The following ABCA3 variants were observed in gnomAD, a reference collection of about 807,000 sequenced individuals.
ABCA3 encodes the protein phospholipid-transporting ATPase ABCA3.
A neutral mutation model predicts 172.8 loss-of-function variants in ABCA3; 88 were observed. The ratio of observed to expected loss-of-function variants is 0.51; its 90% CI spans 0.43 to 0.61. The LOEUF is 0.61. ABCA3 is among the 20% of genes least tolerant of loss of function. The pLI is 0.00. For missense variants in ABCA3, 2,164 were observed against 2,301.0 expected, an observed-to-expected ratio of 0.94 and a Z score of 1.22; for synonymous variants, 1,066 against 983.8, an observed-to-expected ratio of 1.08 and a Z score of -1.56.
chr16:2,338,751 C>CTTTT lies in ABCA3; in HGVS notation c.-539+1818_-539+1821dup, dbSNP rs34719364. ...AGAGCAGGGACTGTGTCCAATTCAT[C>CTTTT]TTTTTTTTTTTTTTTTTTTTTGAGA... is the stretch of plus-strand genomic sequence containing the variant. On this transcript the variant is annotated intron_variant, in intron 1 of 32. Coordinates refer to ENST00000301732, the MANE Select transcript of ABCA3 (RefSeq NM_001089.3). 7.2e-4 allele frequency among the ~76,000 whole-genome samples: 88 copies of CTTTT among 121,568 alleles called. 2 individuals are homozygous for CTTTT. The highest frequency in any genetic ancestry group is 2.9e-3 in the African/African-American group (83 of 28,406). The allele number at this position is 121,568 out of a possible 152,430, so 79.8% of individuals were successfully genotyped here.
Position 2,297,445 on chromosome 16 carries a change from A to G in ABCA3, c.2147T>C (p.Ile716Thr), listed in dbSNP as rs745895636. ...GTCCATGAAGTGGGTGGTCAGCACG[A>G]TGGTGCGGTCACTTTTCTGCCGCTG... ...LLQRQKSDRTIVLTTHFMDEA... is the reference protein window; with the variant it reads ...LLQRQKSDRTTVLTTHFMDEA... The change falls in exon 17 of 33, where the codon ATC (isoleucine) becomes ACC (threonine). Residue 716 changes from isoleucine to threonine, a missense_variant. Ile to Thr is a moderately conservative substitution (Grantham distance 89). Transcript: ENST00000301732. The surrounding 1 kb of genome is among the most constrained non-coding windows in gnomAD (Gnocchi z 5.6). 36 of 1,613,774 alleles carry G rather than the reference A, an allele frequency of 2.2e-5. No individual in the cohort carries two copies. Among genetic ancestry groups the G allele is most frequent in the Non-Finnish European group, 3.0e-5 (35 of 1,180,016 alleles).
chr16:2,278,481 T>C lies in ABCA3; in HGVS notation c.4548-23A>G. On this transcript the variant is annotated intron_variant, in intron 29 of 32. Transcript: ENST00000301732. The surrounding 1 kb of genome is among the most constrained non-coding windows in gnomAD (Gnocchi z 4.4). ...CCACTAGAGGCAGGAGGGTGCCAGGTGGGGGAATAAGGCTGAGAGTTAGCA... is the reference window on the plus strand; with the variant it reads ...CCACTAGAGGCAGGAGGGTGCCAGGCGGGGGAATAAGGCTGAGAGTTAGCA... 1 of 1,608,024 alleles carries C rather than the reference T, an allele frequency of 6.2e-7. No individual in the cohort carries two copies. The highest frequency in any genetic ancestry group is 8.5e-7 in the Non-Finnish European group (1 of 1,179,858).
Position 2,277,806 on chromosome 16 carries a change from G to T in ABCA3, c.4909+73C>A. On this transcript the variant is annotated intron_variant, in intron 31 of 32. Transcript: ENST00000301732. The surrounding 1 kb of genome is among the most constrained non-coding windows in gnomAD (Gnocchi z 5.3). Reference sequence around the variant, plus strand: ...TGGCGGGGCGAGGCACAGACGCTCCGCACAGCAGATGGGAGAGGCCTAGGT... The same window carrying T: ...TGGCGGGGCGAGGCACAGACGCTCCTCACAGCAGATGGGAGAGGCCTAGGT... 6 of 1,597,068 alleles carry T rather than the reference G, an allele frequency of 3.8e-6. No individual in the cohort carries two copies. The highest frequency in any genetic ancestry group is 5.1e-6 in the Non-Finnish European group (6 of 1,172,254).
Position 2,286,042 on chromosome 16 carries a change from C to T in ABCA3, c.3279-396G>A, listed in dbSNP as rs1225764913. On this transcript the variant is annotated intron_variant, in intron 22 of 32. Coordinates refer to ENST00000301732, the MANE Select transcript of ABCA3 (RefSeq NM_001089.3). This position sits in a 1 kb window ranked among gnomAD's most constrained non-coding sequence, Gnocchi z 5.2. ...TGAGTTGATGGCAAGGAGAGCAGAT[C>T]GAGGGCTGTTGCTTTTCTGCTCTTG... 1.3e-5 allele frequency among the ~76,000 whole-genome samples: 2 copies of T among 152,176 alleles called. No individual in the cohort carries two copies. Among genetic ancestry groups the T allele is most frequent in the South Asian group, 2.1e-4 (1 of 4,826 alleles).
Position 2,304,869 on chromosome 16 carries a change from G to A in ABCA3, c.1286-719C>T, listed in dbSNP as rs184474531. ...TTTTTGTATTTTTAGTAGAGACGGGGTTTCACTGTGTTAGCCAGGGTGGTC... is the reference window on the plus strand; with the variant it reads ...TTTTTGTATTTTTAGTAGAGACGGGATTTCACTGTGTTAGCCAGGGTGGTC... On this transcript the variant is annotated intron_variant, in intron 11 of 32. Coordinates refer to ENST00000301732, the MANE Select transcript of ABCA3 (RefSeq NM_001089.3). Among the ~76,000 whole-genome samples the A allele has an allele frequency of 3.6e-3, 553 of 152,112 alleles. 2 individuals are homozygous for A. Among genetic ancestry groups the A allele is most frequent in the Middle Eastern group, 0.034 (10 of 292 alleles).
intron 7 of ABCA3, among the ~76,000 whole-genome samples, chr16:2,322,958 G>GA (rs766975130): frequency 5.3e-5 from 8 of 152,068 alleles, no homozygotes; most frequent in East Asian, 3.9e-4. Context: ...AAATTTACAA[G>GA]AAAAAACCAA....
intron 32 of ABCA3, 113 bp from the exon 33 acceptor site, chr16:2,276,918 G>T: frequency 6.9e-7 from 1 of 1,456,652 alleles, no homozygotes. Flanking sequence ...TCCTACCCCT[G>T]CCCAGCGCCA....
At position 2,284,003 on chromosome 16, in the gene ABCA3, G is replaced by C. The variant is rs2093658948; in HGVS notation, c.3862+276C>G. 1.2e-5 allele frequency: 5 copies of C among 410,340 alleles called. No individual in the cohort carries two copies. The highest frequency in any genetic ancestry group is 1.8e-5 in the Non-Finnish European group (4 of 221,042). 25.4% of individuals were successfully genotyped at this position (410,340 alleles called of 1,614,324 possible). On this transcript the variant is annotated intron_variant, in intron 25 of 32. Transcript: ENST00000301732. This position sits in a 1 kb window ranked among gnomAD's most constrained non-coding sequence, Gnocchi z 5.9. ...AGGAAGGGTCCTCCCCTGAGCCATG[G>C]GGGATTCACTCCTCGTGCTAAGCGC...
At chr16:2,310,304 A>G (rs1181078050) in intron 10 of ABCA3, among the ~76,000 whole-genome samples, 1 of 151,712 alleles carries the variant, frequency 6.6e-6, no homozygotes, top group Non-Finnish European at 1.5e-5. Flanking sequence ...GCTACTCAGG[A>G]GGCTGAGGCA....
chr16:2,288,620 A>G (rs968345982), intron 20 of ABCA3, among the ~76,000 whole-genome samples: 2 of 152,054 alleles, frequency 1.3e-5, no homozygotes, highest in Non-Finnish European at 2.9e-5. Context: ...CAGTGGTGTG[A>G]TCTCAGCTCA....
chr16:2,307,253 G>A (rs1258331276), intron 11 of ABCA3, among the ~76,000 whole-genome samples: 1 of 152,004 alleles, frequency 6.6e-6, no homozygotes, highest in Non-Finnish European at 1.5e-5. Context: ...AGCAGTGGTT[G>A]ATGAAAAGTC....
rs774787877 is a variant in ABCA3 at position 2,298,457 on chromosome 16, C to A, written c.1825G>T (p.Gly609Cys). The change falls in exon 15 of 33, where the codon GGC becomes TGC. Residue 609 changes from glycine (G) to cysteine (C), a missense_variant. By Grantham distance (159) the Gly-to-Cys change is radical. Transcript: ENST00000301732. ...AGGATGTCGTGCTGCGGGCACAGGC[C>A]CAGGCTCTTCCGGATCTGAACCATG... is the stretch of plus-strand genomic sequence containing the variant. Reference protein sequence around the residue: ...QDMVQIRKSLGLCPQHDILFD... With the variant: ...QDMVQIRKSLCLCPQHDILFD... 1.9e-6 allele frequency: 3 copies of A among 1,614,106 alleles called. No individual in the cohort carries two copies. The highest frequency in any genetic ancestry group is 2.5e-6 in the Non-Finnish European group (3 of 1,180,042).
intron 18 of ABCA3, 21 bp downstream of exon 18, chr16:2,295,569 T>C (rs753983059): frequency 2.2e-5 from 36 of 1,610,094 alleles, no homozygotes; most frequent in Non-Finnish European, 2.9e-5. Context: ...TACCTGTGCG[T>C]GCCCTCCCTG....
intron 20 of ABCA3, chr16:2,289,022 C>T (rs1210894798): frequency 8.1e-5 from 15 of 185,880 alleles, no homozygotes; most frequent in Non-Finnish European, 1.2e-4. Context: ...AGACAGAGAG[C>T]GTCAGGGCTT....
Position 2,326,189 on chromosome 16 carries a change from T to C in ABCA3, c.140A>G (p.Gln47Arg), listed in dbSNP as rs997304312. The C allele has an allele frequency of 1.2e-6, 2 of 1,614,124 alleles. No homozygotes were observed. The highest frequency in any genetic ancestry group is 1.3e-5 in the African/African-American group (1 of 75,044). The change falls in exon 5 of 33, where the codon CAG (glutamine) becomes CGG (arginine). Residue 47 changes from glutamine (Q) to arginine (R), a missense_variant. Gln to Arg is a conservative substitution (Grantham distance 43). Transcript: ENST00000301732. ...GGTGGCGTTGGGCACATTTTCCGAC[T>C]GAATCTTCAAGCGGAGCCAGATGAG... ...GILIWLRLKI[Q>R]SENVPNATIY...
intron 12 of ABCA3, among the ~76,000 whole-genome samples, chr16:2,302,886 T>G (rs1225994457): frequency 6.6e-6 from 1 of 151,848 alleles, no homozygotes; most frequent in Non-Finnish European, 1.5e-5. Flanking sequence ...CCTTCCGGGT[T>G]CAAGCAGTTC....
At chr16:2,316,938 C>T (rs912015415) in intron 10 of ABCA3, among the ~76,000 whole-genome samples, 1 of 152,156 alleles carries the variant, frequency 6.6e-6, no homozygotes, top group Non-Finnish European at 1.5e-5. Context: ...AGAATGATAA[C>T]AAAGTGACAC....
intron 11 of ABCA3, among the ~76,000 whole-genome samples, chr16:2,304,832 T>G (rs544512657): frequency 2.0e-5 from 3 of 151,946 alleles, no homozygotes; most frequent in Non-Finnish European, 4.4e-5. Context: ...CCCGCCACCG[T>G]GCCTGGCTAA....
intron 10 of ABCA3, among the ~76,000 whole-genome samples, 175 bp from the exon 11 acceptor site, chr16:2,308,798 G>A (rs1300194648): frequency 1.3e-5 from 2 of 152,050 alleles, no homozygotes; most frequent in South Asian, 2.1e-4. Flanking sequence ...AGGTGTGGCC[G>A]GCAGCCCCTT....
Sources: allele counts gnomAD v4.1 joint callset (sites outside exome capture counted in the v4.1 genomes callset), GRCh38; gene constraint gnomAD v4.1.1; non-coding constraint Gnocchi (gnomAD v3.1); transcripts MANE v1.5; gene names NCBI Gene and HGNC (gene_info 2026-07-23, HGNC 2026-07-21).